Variants in MTAP observed in about 807,000 individuals in gnomAD.
MTAP encodes the protein methylthioadenosine phosphorylase, also known as S-methyl-5'-thioadenosine phosphorylase.
In MTAP, 33 loss-of-function variants were observed where a neutral mutation model predicts 33.6. The observed-to-expected ratio is 0.98, with a 90% confidence interval of 0.74 to 1.31. The LOEUF is 1.31. Among genes scored for constraint, MTAP ranks in the 40% most tolerant of loss-of-function variants. The pLI is 0.00. For missense variants in MTAP, 367 were observed against 360.0 expected, an observed-to-expected ratio of 1.02 and a Z score of -0.16; for synonymous variants, 148 against 125.7, an observed-to-expected ratio of 1.18 and a Z score of -1.19.
chr9:21,852,861 T>G (rs1355525177), intron 5 of MTAP, among the ~76,000 whole-genome samples: 1 of 152,200 alleles, frequency 6.6e-6, no homozygotes, highest in African/African-American at 2.4e-5. Context: ...GTCCTGACAT[T>G]AAATCTGTTT....
At chr9:21,849,213 T>C (rs1299286676) in intron 5 of MTAP, among the ~76,000 whole-genome samples, 1 of 152,150 alleles carries the variant, frequency 6.6e-6, no homozygotes, top group East Asian at 1.9e-4. Context: ...ACCAACAATT[T>C]ATGCTGTGAA....
At chr9:21,832,166 T>G (rs915204539) in intron 4 of MTAP, among the ~76,000 whole-genome samples, 4 of 152,240 alleles carry the variant, frequency 2.6e-5, no homozygotes, top group Non-Finnish European at 5.9e-5. Flanking sequence ...GCATTCTTAC[T>G]CATCAGGAAA....
At position 21,922,763 on chromosome 9, in the gene MTAP, ACC is replaced by A. The variant is rs1478503647; in HGVS notation, c.148-8243_148-8242del. Among the ~76,000 whole-genome samples the A allele has an allele frequency of 3.3e-5, 5 of 152,000 alleles. No individual in the cohort carries two copies. Among genetic ancestry groups the A allele is most frequent in the African/African-American group, 1.2e-4 (5 of 41,362 alleles). On this transcript the variant is annotated intron_variant, in intron 1 of 1. Coordinates refer to the MTAP transcript ENST00000577563. The surrounding 1 kb of genome is among the most constrained non-coding windows in gnomAD (Gnocchi z 4.8). ...TTACTCTCAGCCACAGTGGCTCTGC[ACC>A]CGCTGGCTGATCTCTCAGCTTACCC...
At position 21,859,462 on chromosome 9, in the gene MTAP, G is replaced by C. The variant is rs971637937; in HGVS notation, c.813+37G>C. On this transcript the variant is annotated intron_variant, in intron 7 of 7. Transcript: ENST00000644715. ...CCATGGACAATCAGGCATGTCTGTA[G>C]ACTCTCTATTGTCTTCTTTTCTTAC... The C allele has an allele frequency of 3.2e-6, 5 of 1,580,118 alleles. No individual in the cohort carries two copies. In the African/African-American group the frequency reaches 6.9e-5, roughly 22 times the overall value.
intron 1 of MTAP, among the ~76,000 whole-genome samples, chr9:21,916,084 G>GAAGGAAGGAAGGAAGGA (rs1315755172): frequency 1.5e-5 from 2 of 134,456 alleles, no homozygotes; most frequent in Non-Finnish European, 3.2e-5. Context: ...GGAAGGAAAG[G>GAAGGAAGGAAGGAAGGA]AAGGAAGGAA....
intron 1 of MTAP, among the ~76,000 whole-genome samples, chr9:21,923,997 T>C (rs1457304054): frequency 1.3e-5 from 2 of 152,158 alleles, no homozygotes; most frequent in Non-Finnish European, 2.9e-5. Flanking sequence ...AGAACAGAGA[T>C]GAAGGCAAGC....
intron 5 of MTAP, among the ~76,000 whole-genome samples, chr9:21,853,657 A>G (rs1483972840): frequency 1.3e-5 from 2 of 152,374 alleles, no homozygotes; most frequent in Non-Finnish European, 2.9e-5. Context: ...AGAAGCTGCC[A>G]GTATTAATGA....
At chr9:21,937,073 C>G (rs549859607) in exon 8 of MTAP, 2 of 152,328 alleles carry the variant, frequency 1.3e-5, no homozygotes, top group African/African-American at 4.8e-5. Flanking sequence ...TGAGTCTTGA[C>G]CAAGCACTGT....
rs561533301 is a variant in MTAP at position 21,802,649 on chromosome 9, A to C, written c.-100A>C. On this transcript the variant is annotated 5_prime_UTR_variant, in exon 1 of 8. Transcript: ENST00000644715. ...CCCGCCCCTGGTCTCCGCACTGCTC[A>C]CTCCCGCGCAGTGAGGTTGGCACAG... is the stretch of plus-strand genomic sequence containing the variant. 93 of 1,362,284 alleles carry C rather than the reference A, an allele frequency of 6.8e-5. No homozygotes were observed. The African/African-American group carries it at 1.2e-3, about 17-fold the overall frequency. 84.4% of individuals were successfully genotyped at this position (1,362,284 alleles called of 1,614,324 possible).
intron 1 of MTAP, among the ~76,000 whole-genome samples, chr9:21,812,540 A>G (rs1824377140): frequency 6.6e-6 from 1 of 152,230 alleles, no homozygotes; most frequent in African/African-American, 2.4e-5. Context: ...TTTCCTACAC[A>G]GTCTAGAATT....
At chr9:21,815,553 G>A in intron 2 of MTAP, 34 bp downstream of exon 2, 2 of 1,158,106 alleles carry the variant, frequency 1.7e-6, no homozygotes, top group African/African-American at 3.2e-5. Flanking sequence ...ATGTTTTTTA[G>A]TTTTTTCATT....
At chr9:21,815,404 A>G in intron 1 of MTAP, 29 bp from the exon 2 acceptor site, 2 of 1,446,872 alleles carry the variant, frequency 1.4e-6, no homozygotes, top group South Asian at 1.2e-5. Flanking sequence ...ACCAAATACA[A>G]TAATCTTCTC....
chr9:21,824,869 C>G (rs568698074), intron 4 of MTAP, among the ~76,000 whole-genome samples: 1 of 152,118 alleles, frequency 6.6e-6, no homozygotes, highest in South Asian at 2.1e-4. Flanking sequence ...TAGCAATAAG[C>G]GAGGCTCTGT....
intron 1 of MTAP, among the ~76,000 whole-genome samples, chr9:21,921,479 A>G (rs992594499): frequency 6.6e-6 from 1 of 152,014 alleles, no homozygotes; most frequent in Non-Finnish European, 1.5e-5. Context: ...GTGCATCATT[A>G]GGTTGTTAAT....
At chr9:21,827,209 G>A (rs949760410) in intron 4 of MTAP, among the ~76,000 whole-genome samples, 12 of 152,128 alleles carry the variant, frequency 7.9e-5, no homozygotes, top group Admixed American at 1.3e-4. Context: ...GGAGAGTAGC[G>A]CAGAGTTAAA....
chr9:21,904,242 G>C (rs984773379), intron 1 of MTAP, among the ~76,000 whole-genome samples: 2 of 152,190 alleles, frequency 1.3e-5, no homozygotes, highest in African/African-American at 4.8e-5. Flanking sequence ...TCCACGTTCA[G>C]CCGCCTGTGT....
Position 21,887,165 on chromosome 9 carries a change from G to A in MTAP, c.147+32295G>A, listed in dbSNP as rs189374063. Among the ~76,000 whole-genome samples the A allele has an allele frequency of 5.3e-5, 8 of 152,100 alleles. No individual in the cohort carries two copies. The East Asian group carries it at 7.7e-4, about 15-fold the overall frequency. On this transcript the variant is annotated intron_variant, in intron 1 of 1. Transcript: ENST00000577563. ...TAGGGTACATGTGCACAACGTGCCCGTTTGTTACATATGTATACATGTGCC... is the reference window on the plus strand; with the variant it reads ...TAGGGTACATGTGCACAACGTGCCCATTTGTTACATATGTATACATGTGCC...
intron 1 of MTAP, among the ~76,000 whole-genome samples, chr9:21,813,082 G>A (rs189955060): frequency 1.7e-4 from 26 of 152,318 alleles, no homozygotes; most frequent in Non-Finnish European, 3.1e-4. Context: ...CACAAACTTA[G>A]AGACTCAAAG....
chr9:21,900,035 T>C (rs1818364329), intron 1 of MTAP, among the ~76,000 whole-genome samples: 1 of 152,130 alleles, frequency 6.6e-6, no homozygotes, highest in Non-Finnish European at 1.5e-5. Flanking sequence ...CAACTCAGGA[T>C]GCATTAAACA....
Sources: gnomAD v4.1 joint callset for allele counts (sites outside exome capture counted in the v4.1 genomes callset) on GRCh38, gnomAD v4.1.1 for gene constraint, Gnocchi (gnomAD v3.1) non-coding constraint, MANE v1.5 for transcripts, NCBI Gene and HGNC (gene_info 2026-07-23, HGNC 2026-07-21) for gene names.